The following NSD2 variants were observed in gnomAD, a reference collection of about 807,000 sequenced individuals.
The protein encoded by NSD2 is histone-lysine N-methyltransferase NSD2.
In NSD2, 12 loss-of-function variants were observed where a neutral mutation model predicts 139.0. The ratio of observed to expected loss-of-function variants is 0.09; its 90% CI spans 0.06 to 0.14. NSD2 has a LOEUF of 0.14. Among genes scored for constraint, NSD2 ranks in the 10% least tolerant of loss-of-function variants. NSD2 has a pLI of 1.00. For synonymous variants in NSD2, 669 were observed against 648.7 expected (o/e 1.03, Z -0.48); for missense variants, 1,155 against 1,745.0 (o/e 0.66, Z 6.02).
Position 1,948,183 on chromosome 4 carries a change from C to T in NSD2, c.1882-2889C>T, listed in dbSNP as rs1723832678. 1 of 1,063,766 alleles carries T rather than the reference C, an allele frequency of 9.4e-7. No homozygotes were observed. Among genetic ancestry groups the T allele is most frequent in the Non-Finnish European group, 1.1e-6 (1 of 878,078 alleles). The allele number at this position is 1,063,766 out of a possible 1,614,324, so 65.9% of individuals were successfully genotyped here. On this transcript the variant is annotated intron_variant, in intron 9 of 21. Coordinates refer to ENST00000508803, the MANE Select transcript of NSD2 (RefSeq NM_001042424.3). This position sits in a 1 kb window ranked among gnomAD's most constrained non-coding sequence, Gnocchi z 4.5. Reference sequence around the variant, plus strand: ...CTTTGAAAAGTCAGGAGCTAAGCTGCTCGGAGCTCAGTGCCGCAGCATGGC... The same window carrying T: ...CTTTGAAAAGTCAGGAGCTAAGCTGTTCGGAGCTCAGTGCCGCAGCATGGC...
At chr4:1,944,494 T>C in intron 9 of NSD2, 1 of 1,065,740 alleles carries the variant, frequency 9.4e-7, no homozygotes, top group Non-Finnish European at 1.1e-6. Context: ...TTTGACTCAC[T>C]TCAGACCATC....
intron 9 of NSD2, among the ~76,000 whole-genome samples, chr4:1,949,525 G>T (rs1375934176): frequency 6.6e-6 from 1 of 152,136 alleles, no homozygotes; most frequent in Non-Finnish European, 1.5e-5. Flanking sequence ...CACTTTGGGA[G>T]GCCAAGGCGG....
chr4:1,902,344 C>T (rs1243510383), intron 2 of NSD2, among the ~76,000 whole-genome samples: 1 of 152,044 alleles, frequency 6.6e-6, no homozygotes, highest in East Asian at 1.9e-4. Flanking sequence ...CCTACCTCAC[C>T]CTCCTGAGTA....
Position 1,973,504 on chromosome 4 carries a change from A to G in NSD2, c.3373-1359A>G, listed in dbSNP as rs1726716240. Among the ~76,000 whole-genome samples, 1 of 152,164 alleles carries G rather than the reference A, an allele frequency of 6.6e-6. No individual in the cohort carries two copies. The highest frequency in any genetic ancestry group is 2.4e-5 in the African/African-American group (1 of 41,432). ...CTGCAGAGGGCAGATGAGCACCCCC[A>G]CTTCTGTGTTGAAGAGTGGCACTCT... On this transcript the variant is annotated intron_variant, in intron 18 of 21. Coordinates refer to ENST00000508803, the MANE Select transcript of NSD2 (RefSeq NM_001042424.3). This position sits in a 1 kb window ranked among gnomAD's most constrained non-coding sequence, Gnocchi z 5.5.
chr4:1,906,707 C>CTAG (rs1553864321), intron 3 of NSD2, among the ~76,000 whole-genome samples: 1 of 137,106 alleles, frequency 7.3e-6, no homozygotes, highest in African/African-American at 2.8e-5. Context: ...GTCTCCCAGG[C>CTAG]TAGAGTGCAC....
At chr4:1,944,406 A>C (rs1217629291) in intron 9 of NSD2, 2 of 1,065,414 alleles carry the variant, frequency 1.9e-6, no homozygotes, top group Non-Finnish European at 2.3e-6. Context: ...ATGGTGATAC[A>C]TTCTAGCCTT....
In NSD2 at chr4:1,938,491, A is replaced by T; in HGVS notation, c.1715A>T (p.Tyr572Phe). The part of the protein sequence containing the change: ...ITDKTARTSS[Y>F]KAMEAASSLK... ...GACAAAACGGCCAGAACAAGCTCTTACAAGGCCATGGAGGCAGCCTCCTCG... is the reference window on the plus strand; with the variant it reads ...GACAAAACGGCCAGAACAAGCTCTTTCAAGGCCATGGAGGCAGCCTCCTCG... The change falls in exon 8 of 22, where the codon TAC (tyrosine) becomes TTC (phenylalanine). Residue 572 changes from tyrosine (Y) to phenylalanine (F), a missense_variant. Tyr to Phe is a conservative substitution (Grantham distance 22). Coordinates refer to ENST00000508803, the MANE Select transcript of NSD2 (RefSeq NM_001042424.3). 2.5e-6 allele frequency: 4 copies of T among 1,585,614 alleles called. No homozygotes were observed. The highest frequency in any genetic ancestry group is 2.6e-6 in the Non-Finnish European group (3 of 1,172,896).
Position 1,978,766 on chromosome 4 carries a change from G to A in NSD2, c.3955G>A (p.Gly1319Arg). Residue 1319 changes from glycine to arginine, a missense_variant, in exon 22 of 22, where the codon GGG (glycine) becomes AGG (arginine). Physicochemically the swap from Gly to Arg is moderately radical, Grantham distance 125. Around this residue, in one of 8 missense-constraint regions of NSD2, gnomAD observed 132 missense variants for 94.3 expected, o/e 1.40. Transcript: ENST00000508803. ...GACAGCCTTCAGCTGCACCCCGGAC[G>A]GGCGGTCCTACTGCTGTGAGCATGA... The part of the protein sequence containing the change: ...DGTAFSCTPD[G>R]RSYCCEHDLG... The A allele has an allele frequency of 5.6e-6, 9 of 1,614,036 alleles. No individual in the cohort carries two copies. The highest frequency in any genetic ancestry group is 7.6e-6 in the Non-Finnish European group (9 of 1,179,932).
chr4:1,882,862 G>A (rs1314541547), intron 1 of NSD2, among the ~76,000 whole-genome samples: 3 of 152,278 alleles, frequency 2.0e-5, no homozygotes, highest in East Asian at 1.9e-4. Context: ...CTGGAGTGGG[G>A]CCCAACAATC....
intron 9 of NSD2, chr4:1,947,904 T>C (rs1723803673): frequency 9.5e-7 from 1 of 1,056,058 alleles, no homozygotes. Flanking sequence ...GTGAGCGCTT[T>C]GCAGTCACAG....
At chr4:1,882,751 A>G (rs1288756366) in intron 1 of NSD2, among the ~76,000 whole-genome samples, 1 of 152,214 alleles carries the variant, frequency 6.6e-6, no homozygotes, top group Non-Finnish European at 1.5e-5. Flanking sequence ...CCTAGTCTCC[A>G]GTGGTTCTCA....
At chr4:1,930,949 G>A (rs1444333700) in intron 6 of NSD2, among the ~76,000 whole-genome samples, 179 bp downstream of exon 6, 1 of 152,092 alleles carries the variant, frequency 6.6e-6, no homozygotes, top group Non-Finnish European at 1.5e-5. Context: ...TGCCATCTGC[G>A]TTTACTGGCT....
chr4:1,904,394 GGTT>G lies in NSD2; in HGVS notation c.760+20_760+22del, dbSNP rs778800591. Reference sequence around the variant, plus strand: ...AAACTTAAAGGTATTGTGTTCTTTGGGTTGTTTTTCCAACTTTCTCTTCTGCAC... The same window carrying G: ...AAACTTAAAGGTATTGTGTTCTTTGGGTTTTTCCAACTTTCTCTTCTGCAC... On this transcript the variant is annotated intron_variant, in intron 3 of 21. Coordinates refer to ENST00000508803, the MANE Select transcript of NSD2 (RefSeq NM_001042424.3). 16 of 1,588,312 alleles carry G rather than the reference GGTT, an allele frequency of 1.0e-5. No homozygotes were observed. The highest frequency in any genetic ancestry group is 1.4e-5 in the Non-Finnish European group (16 of 1,165,578).
chr4:1,904,976 C>T (rs536034201), intron 3 of NSD2, among the ~76,000 whole-genome samples: 3 of 152,118 alleles, frequency 2.0e-5, no homozygotes, highest in Admixed American at 6.5e-5. Flanking sequence ...ACTAAAAATA[C>T]AAAATTAGCC....
chr4:1,893,054 C>T (rs17746800), intron 1 of NSD2, among the ~76,000 whole-genome samples: 1 of 152,158 alleles, frequency 6.6e-6, no homozygotes, highest in South Asian at 2.1e-4. Flanking sequence ...CAGCACTTCT[C>T]CAGTACCAAT....
intron 19 of NSD2, 81 bp downstream of exon 19, chr4:1,975,085 C>T: frequency 6.3e-7 from 1 of 1,594,306 alleles, no homozygotes; most frequent in Non-Finnish European, 8.6e-7. Flanking sequence ...TGGGGCTGGA[C>T]TGGAAAGGCT....
chr4:1,928,576 C>T (rs1721236163), intron 5 of NSD2, among the ~76,000 whole-genome samples: 1 of 152,172 alleles, frequency 6.6e-6, no homozygotes, highest in Non-Finnish European at 1.5e-5. Flanking sequence ...GGCTTCCCCG[C>T]AGAAGCCGTC....
rs1302285034 is a variant in NSD2, at chr4:1,956,124, C to T, written c.2817C>T (p.Tyr939=). The T allele has an allele frequency of 6.2e-7, 1 of 1,613,902 alleles. No homozygotes were observed. Among genetic ancestry groups the T allele is most frequent in the South Asian group, 1.1e-5 (1 of 91,076 alleles). The change falls in exon 15 of 22, where the codon TAC becomes TAT. Residue 939 remains tyrosine (Y), a synonymous_variant. Coordinates refer to ENST00000508803, the MANE Select transcript of NSD2 (RefSeq NM_001042424.3). The surrounding 1 kb of genome is among the most constrained non-coding windows in gnomAD (Gnocchi z 5.3). ...YWTHQARVFP[Y]MEGDRGSRYQ... ...CGCATCAGGCGCGAGTGTTCCCGTA[C>T]ATGGAGGGGGACCGGGGCAGCCGCT... is the stretch of plus-strand genomic sequence containing the variant.
chr4:1,872,629 A>AGCGAGAGC (rs1713938812), intron 1 of NSD2, among the ~76,000 whole-genome samples: 1 of 142,600 alleles, frequency 7.0e-6, no homozygotes, highest in African/African-American at 2.6e-5. Context: ...AGAGAGAGAG[A>AGCGAGAGC]GAGAGAGCGC....
Sources: allele counts gnomAD v4.1 joint callset (sites outside exome capture counted in the v4.1 genomes callset), GRCh38; gene constraint gnomAD v4.1.1; regional missense constraint gnomAD v4.1.1; non-coding constraint Gnocchi (gnomAD v3.1); transcripts MANE v1.5; gene names NCBI Gene and HGNC (gene_info 2026-07-23, HGNC 2026-07-21).